The following SCUBE1 variants were observed in gnomAD, a reference collection of about 807,000 sequenced individuals.
SCUBE1 encodes the protein signal peptide, CUB domain and EGF like domain containing 1.
Under a neutral mutation model 124.4 loss-of-function variants are expected in SCUBE1, and 59 were observed. That is an observed-to-expected ratio of 0.47 (90% confidence interval 0.38 to 0.59). The LOEUF (loss-of-function observed/expected upper bound fraction) is 0.59. Ranked by LOEUF, SCUBE1 falls within the 20% of genes least tolerant of loss-of-function variation. SCUBE1 has a pLI of 0.00. For synonymous variants in SCUBE1, 545 were observed against 550.9 expected, an observed-to-expected ratio of 0.99 and a Z score of 0.15; for missense variants, 1,150 against 1,371.2, an observed-to-expected ratio of 0.84 and a Z score of 2.55.
At chr22:43,244,615 C>T (rs930099295) in intron 6 of SCUBE1, among the ~76,000 whole-genome samples, 10 of 152,200 alleles carry the variant, frequency 6.6e-5, no homozygotes, top group African/African-American at 7.2e-5. Flanking sequence ...GGCACAAGGG[C>T]GCTCTGTGGT....
Position 43,238,932 on chromosome 22 carries a change from T to C in SCUBE1, c.750A>G (p.Gly250=), listed in dbSNP as rs1050341857. The part of the protein sequence containing the change: ...TCIETCAVNN[G]GCDRTCKDTA... ...TGTCCTTGCATGTCCGGTCGCAGCC[T>C]CCGTTATTGACTGCGCACGTCTCTG... Residue 250 remains glycine, a synonymous_variant, in exon 7 of 22, where the codon GGA becomes GGG. Coordinates refer to ENST00000360835, the MANE Select transcript of SCUBE1 (RefSeq NM_173050.5). 4 of 1,612,888 alleles carry C rather than the reference T, an allele frequency of 2.5e-6. No individual in the cohort carries two copies. The Admixed American group carries it at 6.7e-5, about 27-fold the overall frequency.
chr22:43,300,600 G>GT (rs2146762616), intron 3 of SCUBE1, among the ~76,000 whole-genome samples: 1 of 152,192 alleles, frequency 6.6e-6, no homozygotes, highest in Admixed American at 6.5e-5. Flanking sequence ...GTCTTGAGTT[G>GT]TAAGAGTTCT....
rs974748637 is a variant in SCUBE1, at chr22:43,199,849, A to T, written c.*4148T>A. 2 of 153,816 alleles carry T rather than the reference A, an allele frequency of 1.3e-5. No homozygotes were observed. Among genetic ancestry groups the T allele is most frequent in the Admixed American group, 6.5e-5 (1 of 15,320 alleles). The allele number at this position is 153,816 out of a possible 1,614,324, so 9.5% of individuals were successfully genotyped here. On this transcript the variant is annotated 3_prime_UTR_variant, in exon 22 of 22. Transcript: ENST00000360835. ...GCATGGGGAAGGACTGGGAAAAGGC[A>T]CAGCCTAATTCTGGGCAGCAGGTGA...
rs1569494637 is a variant in SCUBE1, at chr22:43,207,760, G to C, written c.2735-147C>G. 9.8e-6 allele frequency: 7 copies of C among 716,202 alleles called. No homozygotes were observed. In the East Asian group the frequency reaches 1.6e-4, roughly 17 times the overall value. The allele number at this position is 716,202 out of a possible 1,614,324, so 44.4% of individuals were successfully genotyped here. ...GCCGCAGCTCTGCCTCTGTGCCTTTGAACCTGGGGCTCCCTGCACCTGTAT... is the reference window on the plus strand; with the variant it reads ...GCCGCAGCTCTGCCTCTGTGCCTTTCAACCTGGGGCTCCCTGCACCTGTAT... On this transcript the variant is annotated intron_variant, in intron 20 of 21. Coordinates refer to ENST00000360835, the MANE Select transcript of SCUBE1 (RefSeq NM_173050.5).
chr22:43,292,946 A>G (rs1925421647), intron 3 of SCUBE1, among the ~76,000 whole-genome samples: 2 of 152,246 alleles, frequency 1.3e-5, no homozygotes, highest in Admixed American at 6.5e-5. Context: ...GAGAGGAGCC[A>G]GGTGATCGCA....
intron 8 of SCUBE1, among the ~76,000 whole-genome samples, chr22:43,230,869 G>A (rs981710804): frequency 6.6e-6 from 1 of 152,256 alleles, no homozygotes; most frequent in South Asian, 2.1e-4. Context: ...ACCCTGCCCC[G>A]TGCCAGCCCC....
At chr22:43,223,352 G>T in intron 10 of SCUBE1, 136 bp from the exon 11 acceptor site, 2 of 998,534 alleles carry the variant, frequency 2.0e-6, no homozygotes, top group Non-Finnish European at 2.8e-6. Flanking sequence ...TGGTGGGAAG[G>T]CGCCTGGAGA....
intron 6 of SCUBE1, among the ~76,000 whole-genome samples, chr22:43,249,166 C>A (rs780138832): frequency 2.2e-4 from 34 of 152,044 alleles, no homozygotes; most frequent in Non-Finnish European, 4.4e-5. Flanking sequence ...AAAGGCTGAG[C>A]ATGCAGGGCC....
At chr22:43,240,946 A>G (rs1391794749) in intron 6 of SCUBE1, among the ~76,000 whole-genome samples, 5 of 152,260 alleles carry the variant, frequency 3.3e-5, no homozygotes, top group African/African-American at 1.2e-4. Flanking sequence ...ATGGGGGAAC[A>G]TGGCAGGGTG....
chr22:43,231,292 G>A (rs1922541143), intron 8 of SCUBE1, among the ~76,000 whole-genome samples: 1 of 152,210 alleles, frequency 6.6e-6, no homozygotes, highest in Non-Finnish European at 1.5e-5. Context: ...CTGCATCCTG[G>A]ATCCCACTAG....
At chr22:43,253,887 G>A (rs777263767) in intron 6 of SCUBE1, among the ~76,000 whole-genome samples, 9 of 146,272 alleles carry the variant, frequency 6.2e-5, no homozygotes, top group Non-Finnish European at 1.2e-4. Context: ...AAGTGAGACC[G>A]AGGGCCCTGC....
At chr22:43,220,672 G>A (rs1014190811) in intron 13 of SCUBE1, 85 bp from the exon 14 acceptor site, 2 of 1,514,768 alleles carry the variant, frequency 1.3e-6, no homozygotes, top group African/African-American at 2.8e-5. Context: ...GAGTGCCATT[G>A]GCAAGGACTT....
intron 4 of SCUBE1, among the ~76,000 whole-genome samples, chr22:43,278,453 A>G (rs1924623745): frequency 6.6e-6 from 1 of 152,172 alleles, no homozygotes; most frequent in Non-Finnish European, 1.5e-5. Flanking sequence ...TTGATAATGG[A>G]AAGCCCTGGA....
intron 6 of SCUBE1, among the ~76,000 whole-genome samples, chr22:43,244,012 G>A (rs926177435): frequency 1.3e-5 from 2 of 152,138 alleles, no homozygotes; most frequent in South Asian, 4.1e-4. Flanking sequence ...TCAATTTCAC[G>A]GTGCTAGGTG....
intron 7 of SCUBE1, among the ~76,000 whole-genome samples, chr22:43,237,297 C>G (rs981915798): frequency 4.6e-5 from 7 of 152,212 alleles, no homozygotes; most frequent in Admixed American, 2.0e-4. Context: ...GCACCAGGCC[C>G]CTTTCTGGCC....
At chr22:43,222,166 C>A (rs1922117285) in intron 12 of SCUBE1, among the ~76,000 whole-genome samples, 1 of 152,206 alleles carries the variant, frequency 6.6e-6, no homozygotes, top group Middle Eastern at 3.2e-3. Flanking sequence ...ACCCTCAGCT[C>A]CTTAGCTGGC....
At chr22:43,294,087 T>C (rs1925470858) in intron 3 of SCUBE1, among the ~76,000 whole-genome samples, 1 of 152,176 alleles carries the variant, frequency 6.6e-6, no homozygotes, top group African/African-American at 2.4e-5. Flanking sequence ...TGCAGGGCCA[T>C]GTAAACATGT....
chr22:43,262,303 A>G (rs949098775), intron 5 of SCUBE1, among the ~76,000 whole-genome samples: 2 of 152,218 alleles, frequency 1.3e-5, no homozygotes, highest in African/African-American at 4.8e-5. Context: ...GGTCCCGGAA[A>G]AAAGGTCAGC....
intron 4 of SCUBE1, among the ~76,000 whole-genome samples, chr22:43,280,233 G>A (rs968278873): frequency 3.3e-5 from 5 of 152,182 alleles, no homozygotes; most frequent in African/African-American, 7.2e-5. Context: ...TCTGCGCTAC[G>A]AAGAGAACAA....
Sources: gnomAD v4.1 joint callset for allele counts (sites outside exome capture counted in the v4.1 genomes callset) on GRCh38, gnomAD v4.1.1 for gene constraint, MANE v1.5 for transcripts, NCBI Gene and HGNC (gene_info 2026-07-23, HGNC 2026-07-21) for gene names.